ATP10B: variants seen among roughly 807,000 people sequenced by gnomAD.
ATP10B encodes ATPase phospholipid transporting 10B (putative), also known as phospholipid-transporting ATPase VB.
In ATP10B, 122 loss-of-function variants were observed where a neutral mutation model predicts 141.2. The ratio of observed to expected loss-of-function variants is 0.86; its 90% CI spans 0.75 to 1.00. The LOEUF is 1.00. Ranked by LOEUF, ATP10B falls within the 50% of genes least tolerant of loss-of-function variation. The probability of loss-of-function intolerance (pLI) is 0.00; values close to 1 mark genes in which losing one functional copy is unlikely to be tolerated. For synonymous variants in ATP10B, 685 were observed against 692.0 expected, an observed-to-expected ratio of 0.99 and a Z score of 0.16; for missense variants, 1,876 against 1,825.3, an observed-to-expected ratio of 1.03 and a Z score of -0.51.
rs1776024622 is a variant in ATP10B at position 160,844,878 on chromosome 5, TA to T, written c.-576+7062del. 3.9e-5 allele frequency among the ~76,000 whole-genome samples: 6 copies of T among 152,282 alleles called. No individual in the cohort carries two copies. In the South Asian group the frequency reaches 1.0e-3, roughly 26 times the overall value. On this transcript the variant is annotated intron_variant, in intron 1 of 25. Coordinates refer to ENST00000327245, the MANE Select transcript of ATP10B (RefSeq NM_025153.3). ...TGTTATAATAACTTAGCGGTCATGT[TA>T]AAAATACACATAAATTGAAAGAAAA... is the stretch of plus-strand genomic sequence containing the variant.
intron 2 of ATP10B, among the ~76,000 whole-genome samples, chr5:160,764,744 C>T (rs1331720426): frequency 5.3e-5 from 8 of 152,094 alleles, no homozygotes; most frequent in African/African-American, 1.9e-4. Context: ...AGATAAAGGG[C>T]ATCCACATTG....
intron 1 of ATP10B, among the ~76,000 whole-genome samples, chr5:160,832,807 G>C (rs193278343): frequency 6.6e-6 from 1 of 152,082 alleles, no homozygotes; most frequent in Admixed American, 6.6e-5. Flanking sequence ...CGGAGGGCAC[G>C]GCACAAGAAG....
At chr5:160,589,718 G>A (rs767620753) in intron 23 of ATP10B, 22 bp from the exon 24 acceptor site, 6 of 1,554,292 alleles carry the variant, frequency 3.9e-6, no homozygotes, top group Non-Finnish European at 4.4e-6. Context: ...GAACAGACAG[G>A]CATTGTCAGG....
chr5:160,723,326 T>C (rs1424862404), intron 2 of ATP10B, among the ~76,000 whole-genome samples: 2 of 152,068 alleles, frequency 1.3e-5, no homozygotes, highest in Non-Finnish European at 2.9e-5. Context: ...AGGAGATATA[T>C]AAAGAAAAAA....
chr5:160,802,128 T>C (rs1162516591), intron 1 of ATP10B, among the ~76,000 whole-genome samples: 1 of 152,086 alleles, frequency 6.6e-6, no homozygotes, highest in Non-Finnish European at 1.5e-5. Flanking sequence ...TCTCTGGAAA[T>C]GGTTAATACC....
At chr5:160,800,609 T>C (rs1446534883) in intron 1 of ATP10B, among the ~76,000 whole-genome samples, 1 of 152,244 alleles carries the variant, frequency 6.6e-6, no homozygotes, top group Non-Finnish European at 1.5e-5. Context: ...TGCAGACTGA[T>C]AAATTATAGG....
chr5:160,785,095 A>G (rs1771035074), intron 2 of ATP10B, among the ~76,000 whole-genome samples: 1 of 152,128 alleles, frequency 6.6e-6, no homozygotes, highest in African/African-American at 2.4e-5. Context: ...CTGGAGACTG[A>G]TGAAAGAGAC....
At chr5:160,698,380 T>C (rs1265622106) in intron 3 of ATP10B, among the ~76,000 whole-genome samples, 1 of 152,202 alleles carries the variant, frequency 6.6e-6, no homozygotes, top group African/African-American at 2.4e-5. Flanking sequence ...CCACTATTTT[T>C]AAGTGTCGCA....
At chr5:160,688,661 A>G in intron 4 of ATP10B, 99 bp downstream of exon 4, 2 of 626,662 alleles carry the variant, frequency 3.2e-6, no homozygotes, top group Non-Finnish European at 4.0e-6. Context: ...AGAAAAATAT[A>G]TTGGGACACA....
chr5:160,585,999 T>C (rs1581154981), intron 24 of ATP10B, among the ~76,000 whole-genome samples: 1 of 152,242 alleles, frequency 6.6e-6, no homozygotes, highest in African/African-American at 2.4e-5. Flanking sequence ...CCGGGATACA[T>C]GTACAGAACG....
rs1007022517 is a variant in ATP10B at position 160,715,988 on chromosome 5, C to T, written c.-205+921G>A. On this transcript the variant is annotated intron_variant, in intron 3 of 25. Coordinates refer to ENST00000327245, the MANE Select transcript of ATP10B (RefSeq NM_025153.3). ...CCTCCCAAAGTGCTGGGATTACAGG[C>T]ATGAGCCACCATACCCGGCCAGAAT... Among the ~76,000 whole-genome samples, 155 of 152,180 alleles carry T rather than the reference C, an allele frequency of 1.0e-3. 2 individuals are homozygous for T. Among genetic ancestry groups the T allele is most frequent in the Non-Finnish European group, 8.8e-5 (6 of 68,006 alleles).
intron 17 of ATP10B, among the ~76,000 whole-genome samples, chr5:160,613,314 G>C (rs1198406036): frequency 6.6e-6 from 1 of 152,144 alleles, no homozygotes; most frequent in East Asian, 1.9e-4. Flanking sequence ...AAGTCCCAGA[G>C]ACTACAGTAG....
At chr5:160,602,251 G>C (rs185502640) in intron 21 of ATP10B, among the ~76,000 whole-genome samples, 7 of 152,266 alleles carry the variant, frequency 4.6e-5, no homozygotes, top group Non-Finnish European at 8.8e-5. Flanking sequence ...ACTGAGATTT[G>C]GGGACATTAT....
intron 7 of ATP10B, among the ~76,000 whole-genome samples, chr5:160,658,099 T>G (rs1440035765): frequency 6.6e-6 from 1 of 152,218 alleles, no homozygotes; most frequent in African/African-American, 2.4e-5. Context: ...TATATTAAGT[T>G]GTTCATGAGA....
chr5:160,857,018 TA>T (rs1215696348), upstream of ATP10B, among the ~76,000 whole-genome samples: 2 of 151,826 alleles, frequency 1.3e-5, no homozygotes, highest in Non-Finnish European at 3.0e-5. Flanking sequence ...TTTGGGTCTA[TA>T]ATTTTTTATA....
In ATP10B at chr5:160,775,113, GCAGAAGTCAC is replaced by G. The variant is rs1770196543; in HGVS notation, c.-331+10436_-331+10445del. On this transcript the variant is annotated intron_variant, in intron 2 of 25. Coordinates refer to ENST00000327245, the MANE Select transcript of ATP10B (RefSeq NM_025153.3). ...TCTGTTCGTGATCTGTAGCAGTTCT[GCAGAAGTCAC>G]TAGCCGTGGCCGTGTTTATCAGTCA... 2.6e-5 allele frequency among the ~76,000 whole-genome samples: 4 copies of G among 152,340 alleles called. No homozygotes were observed. In the South Asian group the frequency reaches 8.3e-4, roughly 32 times the overall value.
the ATP10B span, among the ~76,000 whole-genome samples, chr5:160,925,775 ATC>A: frequency 6.6e-6 from 1 of 152,192 alleles, no homozygotes; most frequent in South Asian, 2.1e-4. Context: ...TTATGAAAAT[ATC>A]TGTCATTTTC....
the ATP10B span, among the ~76,000 whole-genome samples, chr5:160,920,948 TTC>T: frequency 4.4e-4 from 67 of 152,322 alleles, no homozygotes; most frequent in African/African-American, 1.6e-3. Context: ...CTAGTCTTTT[TTC>T]TCTCTTTTTA....
At chr5:160,753,232 T>A (rs1231115748) in intron 2 of ATP10B, among the ~76,000 whole-genome samples, 1 of 152,190 alleles carries the variant, frequency 6.6e-6, no homozygotes, top group Non-Finnish European at 1.5e-5. Context: ...TTCCTCCTTC[T>A]AAGATACATA....
Sources: gnomAD v4.1 joint callset for allele counts (sites outside exome capture counted in the v4.1 genomes callset) on GRCh38, gnomAD v4.1.1 for gene constraint, MANE v1.5 for transcripts, NCBI Gene and HGNC (gene_info 2026-07-23, HGNC 2026-07-21) for gene names.